Variants in MKRN2OS observed in about 807,000 individuals in gnomAD.
MKRN2OS encodes MKRN2 opposite strand.
Under a neutral mutation model 18.2 loss-of-function variants are expected in MKRN2OS, and 17 were observed. The ratio of observed to expected loss-of-function variants is 0.93; its 90% CI spans 0.64 to 1.40. The LOEUF (loss-of-function observed/expected upper bound fraction) is 1.40, where lower values mean the gene tolerates loss of function less well. MKRN2OS is among the 40% of genes most tolerant of loss of function. The pLI, the probability that MKRN2OS is intolerant of heterozygous loss-of-function variation, is 0.00. For missense variants in MKRN2OS, 337 were observed against 283.0 expected (o/e 1.19, Z -1.37); for synonymous variants, 121 against 108.5 (o/e 1.12, Z -0.72).
At chr3:12,543,598 A>G (rs2057845905) in intron 1 of MKRN2OS, among the ~76,000 whole-genome samples, 1 of 149,344 alleles carries the variant, frequency 6.7e-6, no homozygotes, top group Non-Finnish European at 1.5e-5. Context: ...GAAAATAAAT[A>G]GAGCCAGCTG....
At chr3:12,560,924 A>G (rs2058032178) in exon 1 of MKRN2OS, 2 of 152,364 alleles carry the variant, frequency 1.3e-5, no homozygotes, top group South Asian at 4.1e-4. Flanking sequence ...GGCTTGGAGT[A>G]AGATCAGTAT....
chr3:12,544,706 T>C (rs2057862450), intron 1 of MKRN2OS, among the ~76,000 whole-genome samples: 2 of 152,100 alleles, frequency 1.3e-5, no homozygotes, highest in South Asian at 2.1e-4. Context: ...TATAATCCTT[T>C]CTTTTGCTTT....
upstream of MKRN2OS, among the ~76,000 whole-genome samples, chr3:12,546,575 A>ATTT (rs1160434615): frequency 6.6e-4 from 64 of 97,100 alleles, 1 homozygote; most frequent in South Asian, 9.0e-4. Flanking sequence ...GGTACATGGG[A>ATTT]TTTTTTTTTT....
chr3:12,557,088 A>C (rs962443210), intron 1 of MKRN2OS: 23 of 1,466,204 alleles, frequency 1.6e-5, no homozygotes, highest in Non-Finnish European at 1.7e-5. Flanking sequence ...GCCAGGGCCA[A>C]GGCCGAGGCG....
chr3:12,541,590 G>T (rs1025429455), intron 3 of MKRN2OS, among the ~76,000 whole-genome samples: 2 of 152,074 alleles, frequency 1.3e-5, no homozygotes, highest in South Asian at 2.1e-4. Flanking sequence ...AAAATACCTT[G>T]TCACATAACT....
At chr3:12,545,724 GCCTCAC>G (rs1293690062), upstream of MKRN2OS, among the ~76,000 whole-genome samples, 3 of 152,130 alleles carry the variant, frequency 2.0e-5, no homozygotes, top group Admixed American at 2.0e-4. Flanking sequence ...ATCCTTTAAA[GCCTCAC>G]TTTTCTGTGG....
intron 1 of MKRN2OS, 95 bp downstream of exon 1, chr3:12,545,152 C>G: frequency 9.7e-7 from 1 of 1,028,634 alleles, no homozygotes; most frequent in Non-Finnish European, 1.4e-6. Context: ...TCCACCAAAC[C>G]TCACACATTA....
At chr3:12,557,142 C>T (rs2057981442) in intron 1 of MKRN2OS, 16 of 1,522,166 alleles carry the variant, frequency 1.1e-5, no homozygotes, top group African/African-American at 1.4e-5. Flanking sequence ...GTCCCTCAGC[C>T]CAGCCACCAT....
chr3:12,541,135 C>T lies in MKRN2OS; in HGVS notation c.432-702G>A, dbSNP rs530029303. Among the ~76,000 whole-genome samples the T allele has an allele frequency of 5.9e-5, 9 of 152,024 alleles. No homozygotes were observed. The South Asian group carries it at 1.7e-3, about 28-fold the overall frequency. On this transcript the variant is annotated intron_variant, in intron 3 of 3. Transcript: ENST00000564146. ...AATTTAAATCCACAAACATGCTATA[C>T]GTCTTACAAAATGTTGAGAGTGAGA...
At chr3:12,558,756 G>A (rs182980382) in intron 1 of MKRN2OS, among the ~76,000 whole-genome samples, 128 of 152,286 alleles carry the variant, frequency 8.4e-4, no homozygotes, top group African/African-American at 3.0e-3. Context: ...GGGGTGTTCT[G>A]TAGGATGTTG....
At position 12,541,907 on chromosome 3, in the gene MKRN2OS, G is replaced by C. The variant is rs779990266; in HGVS notation, c.384C>G (p.Asp128Glu). 4 of 1,535,934 alleles carry C rather than the reference G, an allele frequency of 2.6e-6. No homozygotes were observed. Among genetic ancestry groups the C allele is most frequent in the Non-Finnish European group, 2.6e-6 (3 of 1,146,884 alleles). The change falls in exon 3 of 4, where the codon GAC becomes GAG. Residue 128 changes from aspartate to glutamate, a missense_variant. Physicochemically the swap from Asp to Glu is conservative, Grantham distance 45 (BLOSUM62 2). Coordinates refer to ENST00000564146, the MANE Select transcript of MKRN2OS (RefSeq NM_001195279.2). ...AGGTGGAGAAGTCTTCCAGGTACTT[G>C]TCCCATTGCTCCATCATTCCATACA... is the stretch of plus-strand genomic sequence containing the variant. The part of the protein sequence containing the change: ...PNMYGMMEQW[D>E]KYLEDFSTSG...
At position 12,539,949 on chromosome 3, in the gene MKRN2OS, C is replaced by T; in HGVS notation, c.*244G>A. On this transcript the variant is annotated 3_prime_UTR_variant, in exon 4 of 4. Coordinates refer to ENST00000564146, the MANE Select transcript of MKRN2OS (RefSeq NM_001195279.2). ...TACAGGCATGCGCCACCATGCCCAGCTAATTTTATATTTTTAGTAAGGACG... is the reference window on the plus strand; with the variant it reads ...TACAGGCATGCGCCACCATGCCCAGTTAATTTTATATTTTTAGTAAGGACG... 2 of 468,860 alleles carry T rather than the reference C, an allele frequency of 4.3e-6. No individual in the cohort carries two copies. Among genetic ancestry groups the T allele is most frequent in the South Asian group, 4.5e-5 (2 of 44,938 alleles). The allele number at this position is 468,860 out of a possible 1,614,324, so 29.0% of individuals were successfully genotyped here. A position where few individuals can be genotyped will look rare whatever the true frequency, so the allele number is the denominator to read the frequency against.
upstream of MKRN2OS, among the ~76,000 whole-genome samples, chr3:12,548,438 A>ACTC (rs2057903021): frequency 8.1e-6 from 1 of 124,136 alleles, no homozygotes; most frequent in East Asian, 2.9e-4. Context: ...ACAGAGCGAG[A>ACTC]CTCCGTCTCA....
upstream of MKRN2OS, among the ~76,000 whole-genome samples, chr3:12,547,132 A>T (rs1405110245): frequency 6.6e-6 from 1 of 151,626 alleles, no homozygotes; most frequent in Non-Finnish European, 1.5e-5. Context: ...AATAAATAAA[A>T]TAAGCAATTC....
chr3:12,548,127 T>A (rs994859027), upstream of MKRN2OS, among the ~76,000 whole-genome samples: 7 of 151,538 alleles, frequency 4.6e-5, no homozygotes, highest in Non-Finnish European at 7.4e-5. Flanking sequence ...CTGACCAATA[T>A]GGTGAAACCC....
At chr3:12,549,059 C>G (rs1346394446), upstream of MKRN2OS, among the ~76,000 whole-genome samples, 2 of 152,114 alleles carry the variant, frequency 1.3e-5, no homozygotes, top group Admixed American at 6.5e-5. Context: ...CTCAGCCTCC[C>G]AAGTAGCTGA....
chr3:12,554,220 C>T (rs888310290), intron 1 of MKRN2OS: 5 of 152,222 alleles, frequency 3.3e-5, no homozygotes, highest in African/African-American at 1.2e-4. Context: ...GTGGCCCTGC[C>T]TTCTCTGCCA....
At chr3:12,550,091 G>A (rs547180409), upstream of MKRN2OS, among the ~76,000 whole-genome samples, 138 of 152,208 alleles carry the variant, frequency 9.1e-4, no homozygotes, top group Middle Eastern at 0.017. Flanking sequence ...GTGCTCTTTG[G>A]TATTTACCCA....
intron 1 of MKRN2OS, chr3:12,556,884 G>A (rs745745934): frequency 7.8e-6 from 3 of 384,144 alleles, no homozygotes; most frequent in Non-Finnish European, 1.4e-5. Flanking sequence ...TAAGATGCCA[G>A]CCAGGCTCCG....
Sources: allele counts gnomAD v4.1 joint callset (sites outside exome capture counted in the v4.1 genomes callset), GRCh38; gene constraint gnomAD v4.1.1; transcripts MANE v1.5; gene names NCBI Gene and HGNC (gene_info 2026-07-23, HGNC 2026-07-21).